Variants in NPFFR2 observed in about 807,000 individuals in gnomAD.
NPFFR2 encodes neuropeptide FF receptor 2, also known as G-protein coupled receptor 74.
A neutral mutation model predicts 13.1 loss-of-function variants in NPFFR2; 15 were observed. The ratio of observed to expected loss-of-function variants is 1.15; its 90% CI spans 0.77 to 1.76. The LOEUF (loss-of-function observed/expected upper bound fraction) is 1.76. Among genes scored for constraint, NPFFR2 ranks in the 40% most tolerant of loss-of-function variants. The probability of loss-of-function intolerance (pLI) is 0.00; values close to 1 mark genes in which losing one functional copy is unlikely to be tolerated. For synonymous variants in NPFFR2, 190 were observed against 175.7 expected, an observed-to-expected ratio of 1.08 and a Z score of -0.65; for missense variants, 572 against 503.5, an observed-to-expected ratio of 1.14 and a Z score of -1.30.
rs28525992 is a variant in NPFFR2 at position 72,080,581 on chromosome 4, A to G, written c.-7-48004A>G. On this transcript the variant is annotated intron_variant, in intron 1 of 3. Transcript: ENST00000308744. ...GGAATAAATCCAGGTTTATTTTCTCACAGTGACATTATGCTAAAATTAGAA... is the reference window on the plus strand; with the variant it reads ...GGAATAAATCCAGGTTTATTTTCTCGCAGTGACATTATGCTAAAATTAGAA... Among the ~76,000 whole-genome samples, 1,218 of 152,210 alleles carry G rather than the reference A, an allele frequency of 8.0e-3. 8 individuals are homozygous for G. Among genetic ancestry groups the G allele is most frequent in the African/African-American group, 0.017 (706 of 41,530 alleles).
chr4:72,145,455 T>G (rs934412284), intron 3 of NPFFR2, among the ~76,000 whole-genome samples: 7 of 151,974 alleles, frequency 4.6e-5, no homozygotes, highest in African/African-American at 1.4e-4. Flanking sequence ...TATATGTACT[T>G]ATATATTTGT....
At chr4:72,114,452 G>A (rs1191762873) in intron 1 of NPFFR2, among the ~76,000 whole-genome samples, 1 of 151,242 alleles carries the variant, frequency 6.6e-6, no homozygotes, top group Admixed American at 6.6e-5. Context: ...TATAGAATGG[G>A]GTCTAACTTC....
At chr4:72,111,036 T>C (rs1721552610) in intron 1 of NPFFR2, among the ~76,000 whole-genome samples, 1 of 151,984 alleles carries the variant, frequency 6.6e-6, no homozygotes, top group Non-Finnish European at 1.5e-5. Flanking sequence ...TAATTTTTTA[T>C]GGTTTCAAAA....
chr4:72,146,813 A>T (rs1722793841), intron 3 of NPFFR2, among the ~76,000 whole-genome samples, 165 bp from the exon 4 acceptor site: 1 of 152,184 alleles, frequency 6.6e-6, no homozygotes, highest in Admixed American at 6.5e-5. Context: ...TCTCATATCA[A>T]TTACAGAAAA....
rs180790525 is a variant in NPFFR2, at chr4:72,126,397, T to C, written c.-7-2188T>C. On this transcript the variant is annotated intron_variant, in intron 1 of 3. Transcript: ENST00000308744. Reference sequence around the variant, plus strand: ...TTTATAAGCCCACTGTCAAATTCATTTTCATTTATGGGCAGATATAACCTT... The same window carrying C: ...TTTATAAGCCCACTGTCAAATTCATCTTCATTTATGGGCAGATATAACCTT... Among the ~76,000 whole-genome samples the C allele has an allele frequency of 6.6e-4, 100 of 152,320 alleles. 2 individuals carry two copies. The highest frequency in any genetic ancestry group is 6.0e-3 in the Admixed American group (92 of 15,296).
chr4:72,079,194 T>C (rs1720530679), intron 1 of NPFFR2, among the ~76,000 whole-genome samples: 1 of 152,040 alleles, frequency 6.6e-6, no homozygotes. Flanking sequence ...GAATGGCACA[T>C]AGGCTCTTCA....
chr4:72,098,762 T>C (rs1388661421), intron 1 of NPFFR2, among the ~76,000 whole-genome samples: 2 of 152,150 alleles, frequency 1.3e-5, no homozygotes, highest in Non-Finnish European at 2.9e-5. Flanking sequence ...ACTCTGAGTC[T>C]TTGCCTCCAA....
chr4:72,142,501 A>G (rs981653656), intron 3 of NPFFR2, among the ~76,000 whole-genome samples: 2 of 152,128 alleles, frequency 1.3e-5, no homozygotes, highest in Admixed American at 1.3e-4. Flanking sequence ...GAAATAACCC[A>G]TCTTCTGCAT....
chr4:72,089,268 C>G (rs1368217983), intron 1 of NPFFR2, among the ~76,000 whole-genome samples: 1 of 151,986 alleles, frequency 6.6e-6, no homozygotes, highest in East Asian at 1.9e-4. Flanking sequence ...TTTGCAATTG[C>G]GAGTTGTACT....
rs1284013030 is a variant in NPFFR2, at chr4:72,056,728, G to A, written c.-8+24528G>A. Reference sequence around the variant, plus strand: ...AGTCAAAATGTTAACATTAACAGCAGTTTGGAAGAAGTTGGTTCAGATCTT... The same window carrying A: ...AGTCAAAATGTTAACATTAACAGCAATTTGGAAGAAGTTGGTTCAGATCTT... On this transcript the variant is annotated intron_variant, in intron 1 of 3. Transcript: ENST00000308744. 2.6e-5 allele frequency among the ~76,000 whole-genome samples: 4 copies of A among 152,004 alleles called. No homozygotes were observed. The South Asian group carries it at 6.2e-4, about 24-fold the overall frequency.
chr4:72,050,051 G>GGA (rs1719497642), intron 1 of NPFFR2, among the ~76,000 whole-genome samples: 1 of 152,006 alleles, frequency 6.6e-6, no homozygotes, highest in African/African-American at 2.4e-5. Context: ...TCCAAGGATG[G>GGA]GAGAGGGGCT....
rs34623356 is a variant in NPFFR2, at chr4:72,038,901, C to CTTTTTTTTTTTTTT, written c.-8+6704_-8+6705insTTTTTTTTTTTTTT. ...TTTTAATTCTTGATTTTTAAATTTC[C>CTTTTTTTTTTTTTT]TTTCTTTTTTTTTTTTTTTTTTTTT... On this transcript the variant is annotated intron_variant, in intron 1 of 3. Coordinates refer to ENST00000308744, the MANE Select transcript of NPFFR2 (RefSeq NM_004885.3). Among the ~76,000 whole-genome samples, 6 of 86,918 alleles carry CTTTTTTTTTTTTTT rather than the reference C, an allele frequency of 6.9e-5. 1 individual carries two copies. The highest frequency in any genetic ancestry group is 6.7e-5 in the Non-Finnish European group (3 of 44,612). 57.0% of individuals were successfully genotyped at this position (86,918 alleles called of 152,430 possible). A position where few individuals can be genotyped will look rare whatever the true frequency, so the allele number is the denominator to read the frequency against.
intron 1 of NPFFR2, among the ~76,000 whole-genome samples, chr4:72,121,001 GA>G (rs1308126175): frequency 6.6e-6 from 1 of 151,862 alleles, no homozygotes; most frequent in Non-Finnish European, 1.5e-5. Context: ...TAAGAACCTT[GA>G]AAAAAGGTTA....
chr4:72,059,432 A>G (rs1380576198), intron 1 of NPFFR2, among the ~76,000 whole-genome samples: 1 of 152,100 alleles, frequency 6.6e-6, no homozygotes, highest in East Asian at 1.9e-4. Flanking sequence ...GGTCTTCTAT[A>G]CTATGGGATT....
At chr4:72,135,372 A>G (rs985526365) in intron 2 of NPFFR2, among the ~76,000 whole-genome samples, 3 of 151,852 alleles carry the variant, frequency 2.0e-5, no homozygotes, top group Non-Finnish European at 2.9e-5. Flanking sequence ...TCTTCTACTC[A>G]TATTAATCAG....
intron 3 of NPFFR2, among the ~76,000 whole-genome samples, chr4:72,140,533 T>C (rs551992172): frequency 3.5e-4 from 53 of 152,336 alleles, no homozygotes; most frequent in Non-Finnish European, 6.6e-4. Flanking sequence ...GTGTTTGTCA[T>C]TGGTTCTGTT....
chr4:72,104,657 C>A (rs898027108), intron 1 of NPFFR2, among the ~76,000 whole-genome samples: 1 of 151,996 alleles, frequency 6.6e-6, no homozygotes, highest in Admixed American at 6.6e-5. Flanking sequence ...AACTTCTACC[C>A]CTGGTACTTT....
chr4:72,081,663 A>G (rs544446201), intron 1 of NPFFR2, among the ~76,000 whole-genome samples: 1 of 151,518 alleles, frequency 6.6e-6, no homozygotes, highest in South Asian at 2.1e-4. Flanking sequence ...AATTTTTTCT[A>G]TTTTTTTGTG....
intron 2 of NPFFR2, among the ~76,000 whole-genome samples, 199 bp from the exon 3 acceptor site, chr4:72,137,841 T>G (rs950456130): frequency 4.6e-5 from 7 of 152,344 alleles, no homozygotes; most frequent in Non-Finnish European, 8.8e-5. Flanking sequence ...AACTACTATG[T>G]AAGTTTTGAC....
Sources: allele counts gnomAD v4.1 joint callset (sites outside exome capture counted in the v4.1 genomes callset), GRCh38; gene constraint gnomAD v4.1.1; transcripts MANE v1.5; gene names NCBI Gene and HGNC (gene_info 2026-07-23, HGNC 2026-07-21).